MICU1: variants seen among roughly 807,000 people sequenced by gnomAD.
MICU1 encodes the protein calcium uptake protein 1, mitochondrial.
In MICU1, 45 loss-of-function variants were observed where a neutral mutation model predicts 56.8. The ratio of observed to expected loss-of-function variants is 0.79; its 90% CI spans 0.62 to 1.02. MICU1 has a LOEUF of 1.02. Among genes scored for constraint, MICU1 ranks in the 50% least tolerant of loss-of-function variants. The pLI is 0.00. For synonymous variants in MICU1, 186 were observed against 195.1 expected (o/e 0.95, Z 0.39); for missense variants, 504 against 587.1 (o/e 0.86, Z 1.46).
chr10:72,490,240 T>C (rs1406333275), intron 6 of MICU1, among the ~76,000 whole-genome samples: 3 of 152,228 alleles, frequency 2.0e-5, no homozygotes, highest in African/African-American at 7.2e-5. Flanking sequence ...TGTATGTATA[T>C]GTATGTATGC....
At chr10:72,553,394 C>T (rs571059814) in intron 3 of MICU1, among the ~76,000 whole-genome samples, 13 of 152,156 alleles carry the variant, frequency 8.5e-5, no homozygotes, top group East Asian at 3.9e-4. Flanking sequence ...CCACCACGCC[C>T]GGCTAATTTT....
At chr10:72,534,898 T>C (rs1274716517) in intron 4 of MICU1, among the ~76,000 whole-genome samples, 1 of 151,548 alleles carries the variant, frequency 6.6e-6, no homozygotes, top group Non-Finnish European at 1.5e-5. Flanking sequence ...TTTAAGAGAG[T>C]GTAAGTCATA....
Position 72,566,944 on chromosome 10 carries a change from T to C in MICU1, c.-1-150A>G, listed in dbSNP as rs1347460998. On this transcript the variant is annotated intron_variant, in intron 1 of 11. Transcript: ENST00000361114. ...AATTTGCTTATATTATCCCATTTAA[T>C]CCTCAGAATAATCTTATGAGCAAAG... is the stretch of plus-strand genomic sequence containing the variant. 1.1e-4 allele frequency: 68 copies of C among 639,862 alleles called. 2 individuals carry two copies. In the South Asian group the frequency reaches 1.5e-3, roughly 14 times the overall value. The allele number at this position is 639,862 out of a possible 1,614,324, so 39.6% of individuals were successfully genotyped here.
chr10:72,593,502 C>T lies in MICU1; in HGVS notation c.-1-26708G>A, dbSNP rs542851958. 2.7e-4 allele frequency among the ~76,000 whole-genome samples: 39 copies of T among 144,600 alleles called. 1 individual carries two copies. In the South Asian group the frequency reaches 6.3e-3, roughly 23 times the overall value. 94.9% of individuals were successfully genotyped at this position (144,600 alleles called of 152,430 possible). ...TCGTGCTACTGTACTACAGTCTGGG[C>T]GACAGTCGGACTCTGTCTCCAAAAA... On this transcript the variant is annotated intron_variant, in intron 1 of 11. Coordinates refer to ENST00000361114, the MANE Select transcript of MICU1 (RefSeq NM_001195518.2).
At chr10:72,505,443 C>T (rs1867213012) in intron 6 of MICU1, among the ~76,000 whole-genome samples, 1 of 152,158 alleles carries the variant, frequency 6.6e-6, no homozygotes, top group South Asian at 2.1e-4. Flanking sequence ...CCATTCAACC[C>T]AGTAATCCCA....
rs1442256209 is a variant in MICU1, at chr10:72,523,807, G to C, written c.537+9939C>G. On this transcript the variant is annotated intron_variant, in intron 5 of 11. Coordinates refer to ENST00000361114, the MANE Select transcript of MICU1 (RefSeq NM_001195518.2). ...AAGATCAATTTAAAAAGTACCTTTA[G>C]GAGTGTCCTTGAAGATCTCCTTGGC... 3 of 1,521,562 alleles carry C rather than the reference G, an allele frequency of 2.0e-6. No individual in the cohort carries two copies. In the South Asian group the frequency reaches 3.7e-5, roughly 19 times the overall value. The allele number at this position is 1,521,562 out of a possible 1,614,324, so 94.3% of individuals were successfully genotyped here.
chr10:72,587,299 A>G (rs994774231), intron 1 of MICU1, among the ~76,000 whole-genome samples: 1 of 151,768 alleles, frequency 6.6e-6, no homozygotes, highest in African/African-American at 2.4e-5. Flanking sequence ...AAGACCCCAC[A>G]TTTACAAAAA....
chr10:72,586,016 T>TTC (rs1695635260), intron 1 of MICU1, among the ~76,000 whole-genome samples: 2 of 129,320 alleles, frequency 1.5e-5, no homozygotes, highest in African/African-American at 5.8e-5. Flanking sequence ...TTTTTTTCTT[T>TTC]TTTTTTTTTT....
At chr10:72,440,214 G>GGAACA (rs1864874103) in intron 8 of MICU1, among the ~76,000 whole-genome samples, 1 of 152,048 alleles carries the variant, frequency 6.6e-6, no homozygotes, top group Non-Finnish European at 1.5e-5. Flanking sequence ...ATAGACTAAT[G>GGAACA]GAACAGAACA....
intron 10 of MICU1, among the ~76,000 whole-genome samples, chr10:72,376,760 T>C (rs1862536355): frequency 6.6e-6 from 1 of 152,060 alleles, no homozygotes; most frequent in African/African-American, 2.4e-5. Context: ...TCTGGGGTGA[T>C]GGAAAAATTT....
intron 1 of MICU1, among the ~76,000 whole-genome samples, chr10:72,582,136 T>G (rs1368136545): frequency 6.6e-6 from 1 of 152,124 alleles, no homozygotes; most frequent in Non-Finnish European, 1.5e-5. Context: ...ACCATGTTGG[T>G]CAGGCTGGTC....
intron 10 of MICU1, among the ~76,000 whole-genome samples, chr10:72,387,893 T>C (rs914070875): frequency 5.3e-5 from 8 of 152,022 alleles, no homozygotes; most frequent in African/African-American, 1.4e-4. Context: ...CACCTATGGG[T>C]TGAAAACCAG....
At chr10:72,528,346 G>T (rs1039901632) in intron 5 of MICU1, among the ~76,000 whole-genome samples, 1 of 152,070 alleles carries the variant, frequency 6.6e-6, no homozygotes, top group African/African-American at 2.4e-5. Context: ...AAGCAGAAAT[G>T]ATATACCCTA....
intron 1 of MICU1, among the ~76,000 whole-genome samples, chr10:72,595,635 T>C (rs751069989): frequency 6.6e-6 from 1 of 152,146 alleles, no homozygotes; most frequent in Non-Finnish European, 1.5e-5. Flanking sequence ...TCTGACTACT[T>C]TCCTCACAAA....
intron 8 of MICU1, among the ~76,000 whole-genome samples, chr10:72,454,141 C>G (rs1156554861): frequency 6.6e-6 from 1 of 151,992 alleles, no homozygotes; most frequent in African/African-American, 2.4e-5. Flanking sequence ...CCCAACATTC[C>G]TTTAGATTCA....
chr10:72,430,894 T>G (rs1215118180), intron 8 of MICU1, among the ~76,000 whole-genome samples: 2 of 152,204 alleles, frequency 1.3e-5, no homozygotes, highest in Non-Finnish European at 2.9e-5. Context: ...AAAGCTTGTA[T>G]TCCTAAACAA....
chr10:72,508,198 G>A lies in MICU1; in HGVS notation c.609C>T (p.Leu203=), dbSNP rs750740823. 4.5e-6 allele frequency: 7 copies of A among 1,550,608 alleles called. No individual in the cohort carries two copies. The South Asian group carries it at 7.5e-5, about 17-fold the overall frequency. ...GGAAAATGTAGTCTGAAAAGGATAT[G>A]AGCCCACATTCTCCAAGGGTGTAAA... ...SIFYTLGECG[L]ISFSDYIFLT... is the part of the protein sequence containing the mutation. Residue 203 remains leucine, a synonymous_variant, in exon 6 of 12, where the codon CTC becomes CTT. Coordinates refer to ENST00000361114, the MANE Select transcript of MICU1 (RefSeq NM_001195518.2).
intron 4 of MICU1, 26 bp downstream of exon 4, chr10:72,551,153 T>C: frequency 3.8e-6 from 6 of 1,579,212 alleles, no homozygotes; most frequent in Non-Finnish European, 5.2e-6. Flanking sequence ...AATATCACAG[T>C]CTTATATTTC....
chr10:72,601,209 C>T (rs548310217), intron 1 of MICU1, among the ~76,000 whole-genome samples: 1 of 151,906 alleles, frequency 6.6e-6, no homozygotes, highest in Non-Finnish European at 1.5e-5. Context: ...CTTGCTTGAG[C>T]CCATGCATTC....
Sources: gnomAD v4.1 joint callset for allele counts (sites outside exome capture counted in the v4.1 genomes callset) on GRCh38, gnomAD v4.1.1 for gene constraint, MANE v1.5 for transcripts, NCBI Gene and HGNC (gene_info 2026-07-23, HGNC 2026-07-21) for gene names.